Variants in TLK1 observed in about 807,000 individuals in gnomAD.
The protein encoded by TLK1 is tousled like kinase 1.
Under a neutral mutation model 105.3 loss-of-function variants are expected in TLK1, and 24 were observed. That is an observed-to-expected ratio of 0.23 (90% CI 0.17 to 0.32). TLK1 has a LOEUF of 0.32. Among genes scored for constraint, TLK1 ranks in the 10% least tolerant of loss-of-function variants. The pLI is 1.00. For missense variants in TLK1, 558 were observed against 910.5 expected (o/e 0.61, Z 4.98); for synonymous variants, 321 against 310.4 (o/e 1.03, Z -0.36).
chr2:171,104,710 A>G (rs1689841697), intron 2 of TLK1, among the ~76,000 whole-genome samples: 1 of 152,172 alleles, frequency 6.6e-6, no homozygotes, highest in Non-Finnish European at 1.5e-5. Flanking sequence ...GCCTCAAGTG[A>G]TCCTCCCAAA....
chr2:171,217,325 C>T (rs1693733670), intron 1 of TLK1, among the ~76,000 whole-genome samples: 1 of 152,160 alleles, frequency 6.6e-6, no homozygotes, highest in South Asian at 2.1e-4. Context: ...TACCATTCTC[C>T]CTCTCAAATC....
chr2:171,158,870 A>T (rs9646785), intron 1 of TLK1, among the ~76,000 whole-genome samples: 39,609 of 152,114 alleles, frequency 0.26, 5,394 homozygotes, highest in Middle Eastern at 0.34. Flanking sequence ...CAGCGTTGGG[A>T]TAAGATGAAA....
intron 11 of TLK1, among the ~76,000 whole-genome samples, chr2:171,033,161 G>A (rs1174988101): frequency 6.6e-6 from 1 of 152,014 alleles, no homozygotes; most frequent in Non-Finnish European, 1.5e-5. Flanking sequence ...AGCTGAGATC[G>A]CACCACTGCA....
chr2:171,012,616 C>CT (rs1684972789), intron 13 of TLK1, among the ~76,000 whole-genome samples: 1 of 152,070 alleles, frequency 6.6e-6, no homozygotes, highest in Non-Finnish European at 1.5e-5. Context: ...TTAGCTAAGA[C>CT]TATAGGCATG....
At chr2:171,014,805 G>A in intron 13 of TLK1, 46 bp downstream of exon 13, 1 of 1,327,142 alleles carries the variant, frequency 7.5e-7, no homozygotes, top group Non-Finnish European at 1.1e-6. Flanking sequence ...GGGGGGCGGG[G>A]GTAGTTTTAA....
At chr2:171,201,025 G>T (rs1693388523) in intron 1 of TLK1, among the ~76,000 whole-genome samples, 1 of 151,752 alleles carries the variant, frequency 6.6e-6, no homozygotes, top group African/African-American at 2.4e-5. Context: ...GGGAATTCAG[G>T]TGCATGCTAA....
At chr2:171,058,065 T>G in intron 5 of TLK1, 86 bp downstream of exon 5, 2 of 1,377,094 alleles carry the variant, frequency 1.5e-6, no homozygotes, top group Non-Finnish European at 2.1e-6. Flanking sequence ...AATCAAAAGC[T>G]GACCTTGTGC....
At chr2:171,219,853 G>A (rs1415949626) in intron 1 of TLK1, among the ~76,000 whole-genome samples, 3 of 152,040 alleles carry the variant, frequency 2.0e-5, no homozygotes, top group Admixed American at 6.5e-5. Context: ...TGCCCACCTC[G>A]GCTTCCCAAA....
chr2:171,229,079 A>T (rs1693947984), intron 1 of TLK1, among the ~76,000 whole-genome samples: 1 of 152,330 alleles, frequency 6.6e-6, no homozygotes, highest in African/African-American at 2.4e-5. Flanking sequence ...CTCAGGGAAC[A>T]ATATGGTCTT....
Position 171,160,152 on chromosome 2 carries a change from T to G in TLK1, c.139+138A>C, listed in dbSNP as rs1046269619. On this transcript the variant is annotated intron_variant, in intron 1 of 20. Coordinates refer to ENST00000431350, the MANE Select transcript of TLK1 (RefSeq NM_012290.5). This position sits in a 1 kb window ranked among gnomAD's most constrained non-coding sequence, Gnocchi z 4.4. The stretch of plus-strand genomic sequence containing the variant: ...CCCAGAGCCGGGGAGCCGGGCGGCC[T>G]CGCGTCCACCTCGCCACCATCCCCC... 1 of 1,000,806 alleles carries G rather than the reference T, an allele frequency of 1.0e-6. No homozygotes were observed. The highest frequency in any genetic ancestry group is 1.8e-5 in the African/African-American group (1 of 54,614). 62.0% of individuals were successfully genotyped at this position (1,000,806 alleles called of 1,614,324 possible). A position where few individuals can be genotyped will look rare whatever the true frequency, so the allele number is the denominator to read the frequency against.
chr2:171,216,075 C>T (rs1252827200), intron 1 of TLK1, among the ~76,000 whole-genome samples: 2 of 152,094 alleles, frequency 1.3e-5, no homozygotes, highest in African/African-American at 2.4e-5. Context: ...CAAACTGAGG[C>T]ACTAGGAATT....
Position 170,993,685 on chromosome 2 carries a change from A to AAAT in TLK1, c.*94_*95insATT. On this transcript the variant is annotated 3_prime_UTR_variant, in exon 21 of 21. Transcript: ENST00000431350. ...GTCTTGTGTAAAAAAAAAAAAAAAA[A>AAAT]AAAAAGAAAAAGAAAACAAACACTC... 1.0e-6 allele frequency: 1 copy of AAAT among 994,242 alleles called. No homozygotes were observed. The highest frequency in any genetic ancestry group is 1.3e-6 in the Non-Finnish European group (1 of 742,522). The allele number at this position is 994,242 out of a possible 1,614,324, so 61.6% of individuals were successfully genotyped here.
chr2:171,178,267 G>A (rs1003892614), intron 1 of TLK1, among the ~76,000 whole-genome samples: 2 of 152,140 alleles, frequency 1.3e-5, no homozygotes, highest in African/African-American at 4.8e-5. Flanking sequence ...CCAAGGTCAC[G>A]CAGATATCAA....
chr2:171,206,149 T>G (rs1693502296), intron 1 of TLK1, among the ~76,000 whole-genome samples: 1 of 152,112 alleles, frequency 6.6e-6, no homozygotes, highest in Admixed American at 6.6e-5. Flanking sequence ...TTCAGAGCAA[T>G]GAGAGGCTAT....
At chr2:171,214,883 T>C (rs1222487086) in intron 1 of TLK1, among the ~76,000 whole-genome samples, 1 of 152,144 alleles carries the variant, frequency 6.6e-6, no homozygotes, top group Non-Finnish European at 1.5e-5. Context: ...GTCAAGACAA[T>C]GGGCCTTGAT....
At chr2:171,089,670 T>C (rs1689140884) in intron 2 of TLK1, among the ~76,000 whole-genome samples, 2 of 152,128 alleles carry the variant, frequency 1.3e-5, no homozygotes, top group Admixed American at 6.5e-5. Flanking sequence ...AATAACTAAC[T>C]TTCTCTTTAT....
intron 13 of TLK1, among the ~76,000 whole-genome samples, chr2:171,011,945 TA>T (rs144027963): frequency 1.1e-4 from 16 of 150,156 alleles, no homozygotes; most frequent in South Asian, 4.2e-4. Context: ...TTTTTAAAAT[TA>T]AAAAAAAAAT....
intron 7 of TLK1, chr2:171,054,147 T>A (rs889272271): frequency 5.0e-6 from 1 of 199,676 alleles, no homozygotes; most frequent in Non-Finnish European, 1.0e-5. Flanking sequence ...TTTTTGAATT[T>A]TGCAAGACCT....
At chr2:171,066,914 GA>G in intron 3 of TLK1, 1 of 1,548,404 alleles carries the variant, frequency 6.5e-7, no homozygotes, top group East Asian at 2.4e-5. Context: ...TGGGGGTTGG[GA>G]AGTAACACTT....
Sources: gnomAD v4.1 joint callset for allele counts (sites outside exome capture counted in the v4.1 genomes callset) on GRCh38, gnomAD v4.1.1 for gene constraint, Gnocchi (gnomAD v3.1) non-coding constraint, MANE v1.5 for transcripts, NCBI Gene and HGNC (gene_info 2026-07-23, HGNC 2026-07-21) for gene names.